Variants in KIAA0319 observed in about 807,000 individuals in gnomAD.
KIAA0319 encodes the protein KIAA0319, also known as dyslexia-associated protein KIAA0319.
KIAA0319 carries 83 observed loss-of-function variants against 108.4 expected under a neutral mutation model. The observed-to-expected ratio is 0.77, with a 90% CI of 0.64 to 0.92. The LOEUF (loss-of-function observed/expected upper bound fraction) is 0.92, where lower values mean the gene tolerates loss of function less well. Among genes scored for constraint, KIAA0319 ranks in the 40% least tolerant of loss-of-function variants. KIAA0319 has a pLI of 0.00. For missense variants in KIAA0319, 1,195 were observed against 1,322.4 expected, an observed-to-expected ratio of 0.90 and a Z score of 1.49; for synonymous variants, 484 against 510.4, an observed-to-expected ratio of 0.95 and a Z score of 0.70.
chr6:24,559,013 C>G lies in KIAA0319; in HGVS notation c.2734G>C (p.Gly912Arg), dbSNP rs773691612. The G allele has an allele frequency of 3.2e-5, 52 of 1,609,528 alleles. No homozygotes were observed. The highest frequency in any genetic ancestry group is 4.0e-5 in the African/African-American group (3 of 74,894). The change falls in exon 17 of 21, where the codon GGT becomes CGT. Residue 912 changes from glycine (G) to arginine (R), a missense_variant and splice_region_variant. Physicochemically the swap from Gly to Arg is moderately radical, Grantham distance 125 (BLOSUM62 -2). Transcript: ENST00000378214. ...TTAGAATATTCCATAGGAGACCTAC[C>G]TGCTGTATCAACCCTCAAGACCTTG... ...LFKVLRVDTA[G>R]CLLKCSGHGH...
intron 15 of KIAA0319, among the ~76,000 whole-genome samples, chr6:24,563,969 A>G (rs1581943953): frequency 3.3e-5 from 5 of 152,138 alleles, no homozygotes; most frequent in African/African-American, 1.2e-4. Context: ...GCAGGAAAAC[A>G]AACATGAAAA....
intron 19 of KIAA0319, among the ~76,000 whole-genome samples, chr6:24,552,445 GCCATACA>G (rs1761647636): frequency 6.6e-6 from 1 of 152,176 alleles, no homozygotes; most frequent in African/African-American, 2.4e-5. Flanking sequence ...GATGTTTAAT[GCCATACA>G]CAGTAGGGTC....
chr6:24,567,913 T>G (rs953450838), intron 13 of KIAA0319, among the ~76,000 whole-genome samples: 1 of 152,148 alleles, frequency 6.6e-6, no homozygotes, highest in Non-Finnish European at 1.5e-5. Context: ...CAATTTCCCC[T>G]TAGAAACAAG....
intron 9 of KIAA0319, among the ~76,000 whole-genome samples, chr6:24,577,214 CAG>C (rs1321094238): frequency 6.6e-6 from 1 of 152,186 alleles, no homozygotes; most frequent in Non-Finnish European, 1.5e-5. Context: ...TCACCCAACA[CAG>C]ATGCCACTCT....
intron 1 of KIAA0319, among the ~76,000 whole-genome samples, chr6:24,608,656 C>T (rs1429974045): frequency 1.3e-5 from 2 of 152,056 alleles, no homozygotes; most frequent in African/African-American, 2.4e-5. Context: ...TCAGGCCAGG[C>T]GCGGTGGCTC....
At chr6:24,553,292 TATACACACACACACACACAC>T (rs1217578353) in intron 19 of KIAA0319, among the ~76,000 whole-genome samples, 2 of 95,028 alleles carry the variant, frequency 2.1e-5, no homozygotes, top group South Asian at 3.5e-4. Flanking sequence ...TATATATATA[TATACACACACACACACACAC>T]ACACACACAC....
chr6:24,639,552 T>C (rs1002162662), intron 1 of KIAA0319, among the ~76,000 whole-genome samples: 1 of 152,144 alleles, frequency 6.6e-6, no homozygotes, highest in African/African-American at 2.4e-5. Flanking sequence ...AAAAAAGAGT[T>C]ATTATAAGAA....
At chr6:24,594,250 TTTTTCATTTTAATCCAATTATAAG>T in intron 3 of KIAA0319, among the ~76,000 whole-genome samples, 1 of 138,228 alleles carries the variant, frequency 7.2e-6, no homozygotes, top group African/African-American at 2.7e-5. Context: ...AAAAGAAAGT[TTTTTCATTTTAATCCAATTATAAG>T]TAAGGAAAAA....
chr6:24,556,464 GC>G, intron 18 of KIAA0319, 142 bp downstream of exon 18: 1 of 882,376 alleles, frequency 1.1e-6, no homozygotes, highest in Non-Finnish European at 1.7e-6. Context: ...ACCATGCCTG[GC>G]TTATTTTGTT....
intron 1 of KIAA0319, 199 bp from the exon 2 acceptor site, chr6:24,601,407 A>C: frequency 6.1e-6 from 4 of 658,036 alleles, no homozygotes; most frequent in Non-Finnish European, 7.5e-6. Flanking sequence ...AAAGAATTTC[A>C]TGCTTACTCT....
chr6:24,580,506 C>T (rs1018655243), intron 7 of KIAA0319, among the ~76,000 whole-genome samples: 7 of 152,172 alleles, frequency 4.6e-5, no homozygotes, highest in Non-Finnish European at 7.3e-5. Flanking sequence ...AGCCCAAGAA[C>T]CACCTGTTTC....
At chr6:24,600,071 A>G (rs995387108) in intron 2 of KIAA0319, among the ~76,000 whole-genome samples, 1 of 151,920 alleles carries the variant, frequency 6.6e-6, no homozygotes, top group Non-Finnish European at 1.5e-5. Flanking sequence ...TGCAAATAAC[A>G]TTTATTGGGA....
intron 1 of KIAA0319, among the ~76,000 whole-genome samples, chr6:24,640,940 C>T (rs902759953): frequency 1.3e-5 from 2 of 152,194 alleles, no homozygotes; most frequent in Admixed American, 6.5e-5. Flanking sequence ...AGGCATGAGA[C>T]ACTGCACCTG....
In KIAA0319 at chr6:24,599,586, C is replaced by T; in HGVS notation, c.55+1463G>A. 1.6e-6 allele frequency: 1 copy of T among 614,938 alleles called. No homozygotes were observed. The highest frequency in any genetic ancestry group is 1.5e-5 in the South Asian group (1 of 66,238). The allele number at this position is 614,938 out of a possible 1,614,324, so 38.1% of individuals were successfully genotyped here. ...GTCTGGGATGCAGAACATGAATATC[C>T]ATACAAAGACCACCAGTGGCTACTC... On this transcript the variant is annotated intron_variant, in intron 2 of 20. Transcript: ENST00000378214. The surrounding 1 kb of genome is among the most constrained non-coding windows in gnomAD (Gnocchi z 4.1).
intron 1 of KIAA0319, among the ~76,000 whole-genome samples, chr6:24,634,656 G>T (rs1283729202): frequency 1.1e-4 from 17 of 152,168 alleles, no homozygotes; most frequent in Non-Finnish European, 5.9e-5. Context: ...TATAATTAAG[G>T]TTACTAAACA....
chr6:24,558,779 G>T (rs116198745), intron 17 of KIAA0319, among the ~76,000 whole-genome samples: 2,038 of 152,272 alleles, frequency 0.013, 21 homozygotes, highest in Non-Finnish European at 0.021. Context: ...CCATTATCTT[G>T]TGAGTATAAT....
At chr6:24,645,072 C>T (rs978940650) in intron 1 of KIAA0319, among the ~76,000 whole-genome samples, 7 of 152,166 alleles carry the variant, frequency 4.6e-5, no homozygotes, top group Non-Finnish European at 7.4e-5. Flanking sequence ...TAAATACCAA[C>T]ATTTACTTCC....
At chr6:24,549,610 G>A (rs781435022) in intron 20 of KIAA0319, among the ~76,000 whole-genome samples, 4 of 152,052 alleles carry the variant, frequency 2.6e-5, no homozygotes, top group Non-Finnish European at 5.9e-5. Context: ...ATGTTACTTG[G>A]GCAAGTTGCT....
In KIAA0319 at chr6:24,563,365, T is replaced by C. The variant is rs1763366924; in HGVS notation, c.2585A>G (p.Asp862Gly). ...IKVQKIRAHSDLSTVIVFYVQ... is the reference protein window; with the variant it reads ...IKVQKIRAHSGLSTVIVFYVQ... ...TTGAGTGTGCAGCTCCTACCTGAGA[T>C]CCGAGTGGGCCCGAATCTTCTGGAC... The change falls in exon 16 of 21, where the codon GAT becomes GGT. Residue 862 changes from aspartate to glycine, a missense_variant. By Grantham distance (94) the Asp-to-Gly change is moderately conservative. Coordinates refer to ENST00000378214, the MANE Select transcript of KIAA0319 (RefSeq NM_014809.4). The C allele has an allele frequency of 3.7e-6, 6 of 1,612,172 alleles. No individual in the cohort carries two copies. In the South Asian group the frequency reaches 6.6e-5, roughly 18 times the overall value.
Sources: gnomAD v4.1 joint callset for allele counts (sites outside exome capture counted in the v4.1 genomes callset) on GRCh38, gnomAD v4.1.1 for gene constraint, Gnocchi (gnomAD v3.1) non-coding constraint, MANE v1.5 for transcripts, NCBI Gene and HGNC (gene_info 2026-07-23, HGNC 2026-07-21) for gene names.